The following POLH variants were observed in gnomAD, a reference collection of about 807,000 sequenced individuals.
The protein encoded by POLH is DNA polymerase eta transcript.
A neutral mutation model predicts 73.6 loss-of-function variants in POLH; 53 were observed. The ratio of observed to expected loss-of-function variants is 0.72; its 90% confidence interval spans 0.58 to 0.91. The LOEUF is 0.91. Ranked by LOEUF, POLH falls within the 40% of genes least tolerant of loss-of-function variation. POLH has a pLI of 0.00. For synonymous variants in POLH, 292 were observed against 308.5 expected (o/e 0.95, Z 0.56); for missense variants, 768 against 865.4 (o/e 0.89, Z 1.41).
In POLH at chr6:43,614,432, G is replaced by A; in HGVS notation, c.2017G>A (p.Val673Ile). The A allele has an allele frequency of 6.2e-7, 1 of 1,614,138 alleles. No homozygotes were observed. The highest frequency in any genetic ancestry group is 2.2e-5 in the East Asian group (1 of 44,884). Residue 673 changes from valine to isoleucine, a missense_variant, in exon 11 of 11, where the codon GTT becomes ATT. Val to Ile is a conservative substitution (Grantham distance 29). Coordinates refer to ENST00000372236, the MANE Select transcript of POLH (RefSeq NM_006502.3). ...FLQPHSSNPQ[V>I]VSAVSHQGKR... is the part of the protein sequence containing the mutation. ...GCAGCCCCACTCTTCAAACCCCCAGGTTGTTTCTGCCGTATCTCATCAAGG... is the reference window on the plus strand; with the variant it reads ...GCAGCCCCACTCTTCAAACCCCCAGATTGTTTCTGCCGTATCTCATCAAGG...
At chr6:43,586,236 G>C (rs898336135) in intron 3 of POLH, among the ~76,000 whole-genome samples, 1 of 151,932 alleles carries the variant, frequency 6.6e-6, no homozygotes, top group African/African-American at 2.4e-5. Flanking sequence ...CCCAGCACTT[G>C]GGGAGGCCGA....
At chr6:43,585,644 T>C (rs1179169284) in intron 3 of POLH, among the ~76,000 whole-genome samples, 1 of 150,036 alleles carries the variant, frequency 6.7e-6, no homozygotes, top group Admixed American at 6.6e-5. Flanking sequence ...TTTCTTTTTT[T>C]TTTTTTTTTT....
chr6:43,603,888 T>C lies in POLH; in HGVS notation c.765-4T>C, dbSNP rs529054253. On this transcript the variant is annotated splice_region_variant and splice_polypyrimidine_tract_variant and intron_variant, in intron 6 of 10. Transcript: ENST00000372236. ...TATCAATTCTTTGTCTCCTTTGTTA[T>C]CAGCCGTAGTCTTGGAGGAAAGCTA... 3 of 1,613,504 alleles carry C rather than the reference T, an allele frequency of 1.9e-6. No individual in the cohort carries two copies. The highest frequency in any genetic ancestry group is 2.2e-5 in the East Asian group (1 of 44,856).
chr6:43,612,657 T>A (rs571777409), intron 10 of POLH, among the ~76,000 whole-genome samples: 1 of 151,860 alleles, frequency 6.6e-6, no homozygotes, highest in East Asian at 1.9e-4. Context: ...AATAGTGTAA[T>A]AATAACTTTA....
rs1259397673 is a variant in POLH, at chr6:43,614,163, A to G, written c.1748A>G (p.Lys583Arg). ...GCVPVCEGVS[K>R]LEESSKATPA... ...GTCCCTGTTTGTGAAGGGGTGTCGAAGCTAGAAGAATCCTCTAAAGCAACT... is the reference window on the plus strand; with the variant it reads ...GTCCCTGTTTGTGAAGGGGTGTCGAGGCTAGAAGAATCCTCTAAAGCAACT... The change falls in exon 11 of 11, where the codon AAG (lysine) becomes AGG (arginine). Residue 583 changes from lysine to arginine, a missense_variant. Coordinates refer to ENST00000372236, the MANE Select transcript of POLH (RefSeq NM_006502.3). The G allele has an allele frequency of 8.7e-6, 14 of 1,614,226 alleles. No homozygotes were observed. The highest frequency in any genetic ancestry group is 1.1e-5 in the Non-Finnish European group (13 of 1,180,046).
chr6:43,613,023 C>G (rs1768063165), intron 10 of POLH, among the ~76,000 whole-genome samples: 1 of 151,996 alleles, frequency 6.6e-6, no homozygotes, highest in Admixed American at 6.6e-5. Flanking sequence ...TGGTCTCATA[C>G]TCCTGACCTC....
chr6:43,608,367 T>C (rs1383806914), intron 9 of POLH, among the ~76,000 whole-genome samples: 1 of 152,228 alleles, frequency 6.6e-6, no homozygotes, highest in Non-Finnish European at 1.5e-5. Context: ...AACTGCTCGT[T>C]GCTCCTTTTT....
At chr6:43,582,546 G>A (rs1764394364) in intron 2 of POLH, 90 bp downstream of exon 2, 2 of 1,301,348 alleles carry the variant, frequency 1.5e-6, no homozygotes, top group South Asian at 2.4e-5. Context: ...GGTGGTGGTG[G>A]TGACAGGGCC....
At chr6:43,576,972 A>G (rs1008055243) in intron 1 of POLH, among the ~76,000 whole-genome samples, 3 of 152,216 alleles carry the variant, frequency 2.0e-5, no homozygotes, top group African/African-American at 7.2e-5. Context: ...CCTCACCAAC[A>G]TGGTGAAACC....
chr6:43,613,548 T>C, intron 10 of POLH, 112 bp from the exon 11 acceptor site: 1 of 913,826 alleles, frequency 1.1e-6, no homozygotes, highest in South Asian at 1.5e-5. Flanking sequence ...CATCTATGGA[T>C]TAAATCTGTC....
At chr6:43,586,623 C>T (rs1463224953) in intron 3 of POLH, among the ~76,000 whole-genome samples, 3 of 152,122 alleles carry the variant, frequency 2.0e-5, no homozygotes, top group African/African-American at 7.2e-5. Flanking sequence ...GTCTGCCTGC[C>T]CAGACACATC....
intron 4 of POLH, among the ~76,000 whole-genome samples, chr6:43,595,166 GT>G (rs896459663): frequency 1.1e-4 from 16 of 149,612 alleles, no homozygotes; most frequent in Non-Finnish European, 2.1e-4. Flanking sequence ...TTTTTTTTTA[GT>G]TTTTTTTTCT....
chr6:43,616,008 GC>G lies in POLH; in HGVS notation c.*1453del, dbSNP rs1768302718. On this transcript the variant is annotated 3_prime_UTR_variant, in exon 11 of 11. Coordinates refer to ENST00000372236, the MANE Select transcript of POLH (RefSeq NM_006502.3). ...AGGATTTTAAGAAAAACTTCTCTTG[GC>G]CGGGCGCAGTGGCTCACGCCTGCAA... Among the ~76,000 whole-genome samples the G allele has an allele frequency of 6.6e-6, 1 of 152,094 alleles. No homozygotes were observed. The highest frequency in any genetic ancestry group is 1.5e-5 in the Non-Finnish European group (1 of 67,994).
At chr6:43,583,779 G>A (rs916147503) in intron 3 of POLH, among the ~76,000 whole-genome samples, 2 of 152,124 alleles carry the variant, frequency 1.3e-5, no homozygotes, top group Non-Finnish European at 2.9e-5. Context: ...TATAAGGTAG[G>A]TACTAATATT....
chr6:43,598,251 T>C (rs1766320564), intron 5 of POLH, among the ~76,000 whole-genome samples: 1 of 151,632 alleles, frequency 6.6e-6, no homozygotes, highest in African/African-American at 2.4e-5. Flanking sequence ...TGGATTTCTT[T>C]TAAAATTCAT....
At chr6:43,606,254 C>T (rs1002559319) in intron 9 of POLH, among the ~76,000 whole-genome samples, 20 of 151,974 alleles carry the variant, frequency 1.3e-4, no homozygotes, top group African/African-American at 4.8e-4. Flanking sequence ...GACTTGTTCA[C>T]CCTACGTGTC....
chr6:43,605,443 CTT>C (rs540143863), intron 9 of POLH, 124 bp downstream of exon 9: 14,619 of 264,996 alleles, frequency 0.055, no homozygotes, highest in South Asian at 0.075. Context: ...CGTTTTCTTT[CTT>C]TTTTTTTTTT....
chr6:43,612,268 C>CAGGGAAA lies in POLH; in HGVS notation c.1245-1392_1245-1391insAGGGAAA, dbSNP rs781036781. On this transcript the variant is annotated intron_variant, in intron 10 of 10. Transcript: ENST00000372236. ...TACTACTCACCAACGGTGTGAAACT[C>CAGGGAAA]CGTGATGCACAGGGAAGCATCAAAA... Among the ~76,000 whole-genome samples the CAGGGAAA allele has an allele frequency of 5.3e-3, 810 of 152,040 alleles. 2 individuals are homozygous for CAGGGAAA. Among genetic ancestry groups the CAGGGAAA allele is most frequent in the Non-Finnish European group, 8.4e-3 (571 of 68,006 alleles).
intron 1 of POLH, 71 bp from the exon 2 acceptor site, chr6:43,582,245 T>C: frequency 2.1e-6 from 3 of 1,395,470 alleles, no homozygotes; most frequent in Non-Finnish European, 2.0e-6. Context: ...AGTGAAAGAA[T>C]GGAATTACAG....
Sources: allele counts gnomAD v4.1 joint callset (sites outside exome capture counted in the v4.1 genomes callset), GRCh38; gene constraint gnomAD v4.1.1; transcripts MANE v1.5; gene names NCBI Gene and HGNC (gene_info 2026-07-23, HGNC 2026-07-21).